FHIT: variants seen among roughly 807,000 people sequenced by gnomAD.
FHIT encodes bis(5'-adenosyl)-triphosphatase.
In FHIT, 19 loss-of-function variants were observed where a neutral mutation model predicts 17.9. The ratio of observed to expected loss-of-function variants is 1.06; its 90% CI spans 0.74 to 1.56. The LOEUF is 1.56. Ranked by LOEUF, FHIT falls within the 40% of genes most tolerant of loss-of-function variation. The pLI is 0.00. For missense variants in FHIT, 248 were observed against 189.2 expected (o/e 1.31, Z -1.82); for synonymous variants, 81 against 69.7 (o/e 1.16, Z -0.81).
intron 4 of FHIT, among the ~76,000 whole-genome samples, chr3:60,586,080 G>T (rs568676307): frequency 6.6e-6 from 1 of 151,958 alleles, no homozygotes; most frequent in South Asian, 2.1e-4. Context: ...AGACACAGCT[G>T]AGATTTGCAT....
At chr3:60,127,895 T>C (rs1705630435) in intron 5 of FHIT, among the ~76,000 whole-genome samples, 1 of 152,204 alleles carries the variant, frequency 6.6e-6, no homozygotes, top group South Asian at 2.1e-4. Context: ...CCTCTCCAAG[T>C]GCTGGGATTA....
chr3:60,694,970 GT>G (rs1553700289), intron 4 of FHIT, among the ~76,000 whole-genome samples: 1 of 152,052 alleles, frequency 6.6e-6, no homozygotes. Flanking sequence ...TAAATGACGG[GT>G]TAATGGGTGC....
At chr3:59,786,597 A>G (rs893052738) in intron 8 of FHIT, among the ~76,000 whole-genome samples, 5 of 152,250 alleles carry the variant, frequency 3.3e-5, no homozygotes, top group South Asian at 2.1e-4. Flanking sequence ...ATGCAGAATG[A>G]TGGAAATTGC....
rs374165921 is a variant in FHIT at position 59,952,037 on chromosome 3, A to T, written c.280-29623T>A. 2.8e-4 allele frequency among the ~76,000 whole-genome samples: 42 copies of T among 152,204 alleles called. 1 individual carries two copies. The South Asian group carries it at 8.5e-3, about 31-fold the overall frequency. On this transcript the variant is annotated intron_variant, in intron 7 of 9. Transcript: ENST00000492590. ...TAGGATGGCCCTTCTCACAGCCTTGATCTCATCCTGGGCACCTAAAGGGGT... is the reference window on the plus strand; with the variant it reads ...TAGGATGGCCCTTCTCACAGCCTTGTTCTCATCCTGGGCACCTAAAGGGGT...
chr3:60,058,033 C>G (rs985798575), intron 5 of FHIT, among the ~76,000 whole-genome samples: 2 of 148,814 alleles, frequency 1.3e-5, no homozygotes, highest in Admixed American at 6.7e-5. Context: ...GGCAAGCTTA[C>G]AGAGACAGAA....
intron 2 of FHIT, among the ~76,000 whole-genome samples, chr3:61,085,639 A>G (rs1391855539): frequency 6.6e-6 from 1 of 152,042 alleles, no homozygotes; most frequent in Non-Finnish European, 1.5e-5. Context: ...TCAATTTATC[A>G]GTGTTTTTTT....
chr3:60,414,747 C>T (rs1322611099), intron 5 of FHIT, among the ~76,000 whole-genome samples: 8 of 152,118 alleles, frequency 5.3e-5, no homozygotes, highest in African/African-American at 1.4e-4. Context: ...CTGAGGATTA[C>T]GGCAAGGAAG....
At chr3:60,218,001 GT>G (rs573859867) in intron 5 of FHIT, among the ~76,000 whole-genome samples, 2 of 151,982 alleles carry the variant, frequency 1.3e-5, no homozygotes, top group Non-Finnish European at 2.9e-5. Context: ...TCAATTTTTG[GT>G]TTTGAAAAAT....
At chr3:60,574,753 T>C (rs1372787200) in intron 4 of FHIT, among the ~76,000 whole-genome samples, 8 of 152,050 alleles carry the variant, frequency 5.3e-5, no homozygotes, top group African/African-American at 1.9e-4. Context: ...CTCATATTTA[T>C]AGAGTGCTCC....
chr3:61,114,923 A>G (rs569584396), intron 2 of FHIT, among the ~76,000 whole-genome samples: 22 of 152,288 alleles, frequency 1.4e-4, no homozygotes, highest in African/African-American at 5.3e-4. Context: ...TTGCCACTCA[A>G]TACCCAACAT....
intron 8 of FHIT, among the ~76,000 whole-genome samples, chr3:59,809,761 C>T (rs770407355): frequency 1.8e-4 from 28 of 152,222 alleles, no homozygotes; most frequent in Admixed American, 1.0e-3. Context: ...CAGACACTTC[C>T]GTCTTCAGAC....
chr3:60,012,318 G>T (rs1276967270), intron 6 of FHIT, among the ~76,000 whole-genome samples: 1 of 142,350 alleles, frequency 7.0e-6, no homozygotes. Context: ...GTCCAGGCCA[G>T]AGTATGGTGG....
chr3:59,906,601 G>A (rs1285289904), intron 8 of FHIT, among the ~76,000 whole-genome samples: 2 of 152,214 alleles, frequency 1.3e-5, no homozygotes, highest in South Asian at 2.1e-4. Flanking sequence ...TGGAGTTACA[G>A]ATGGATCTCA....
intron 3 of FHIT, among the ~76,000 whole-genome samples, chr3:60,964,277 T>C (rs1709604333): frequency 6.6e-6 from 1 of 151,990 alleles, no homozygotes; most frequent in Non-Finnish European, 1.5e-5. Context: ...TTTTTTTCCA[T>C]TTGCTTGGTA....
At chr3:60,697,438 C>T (rs1162525951) in intron 4 of FHIT, among the ~76,000 whole-genome samples, 3 of 152,040 alleles carry the variant, frequency 2.0e-5, no homozygotes, top group Non-Finnish European at 4.4e-5. Flanking sequence ...AATTATATTT[C>T]ACAATTTTAT....
chr3:60,937,145 G>C (rs1474280325), intron 3 of FHIT, among the ~76,000 whole-genome samples: 2 of 152,146 alleles, frequency 1.3e-5, no homozygotes, highest in African/African-American at 2.4e-5. Context: ...CTTCAATGAA[G>C]ATTTTCTCTC....
chr3:60,428,012 C>G (rs1401322311), intron 5 of FHIT, among the ~76,000 whole-genome samples: 1 of 152,094 alleles, frequency 6.6e-6, no homozygotes, highest in Non-Finnish European at 1.5e-5. Flanking sequence ...AGTTTATATT[C>G]AAGGCTTCTT....
chr3:61,144,228 T>A (rs953394445), intron 2 of FHIT, among the ~76,000 whole-genome samples: 1 of 152,184 alleles, frequency 6.6e-6, no homozygotes, highest in African/African-American at 2.4e-5. Context: ...GCCCTATTAA[T>A]CCACTAATCT....
intron 5 of FHIT, among the ~76,000 whole-genome samples, chr3:60,524,051 G>A (rs994282398): frequency 1.3e-5 from 2 of 152,110 alleles, no homozygotes; most frequent in Non-Finnish European, 2.9e-5. Flanking sequence ...GTCAACCAGG[G>A]TCACTCATCT....
Sources: gnomAD v4.1 joint callset for allele counts (sites outside exome capture counted in the v4.1 genomes callset) on GRCh38, gnomAD v4.1.1 for gene constraint, MANE v1.5 for transcripts, NCBI Gene and HGNC (gene_info 2026-07-23, HGNC 2026-07-21) for gene names.